MARCHF3: variants seen among roughly 807,000 people sequenced by gnomAD.
MARCHF3 encodes the protein membrane associated ring-CH-type finger 3, also known as E3 ubiquitin-protein ligase MARCHF3.
A neutral mutation model predicts 24.2 loss-of-function variants in MARCHF3; 13 were observed. The observed-to-expected ratio is 0.54, with a 90% CI of 0.35 to 0.85. MARCHF3 has a LOEUF of 0.85. MARCHF3 is among the 40% of genes least tolerant of loss of function. The probability of loss-of-function intolerance (pLI) is 0.01; values close to 1 mark genes in which losing one functional copy is unlikely to be tolerated. For missense variants in MARCHF3, 276 were observed against 325.0 expected, an observed-to-expected ratio of 0.85 and a Z score of 1.16; for synonymous variants, 144 against 137.3, an observed-to-expected ratio of 1.05 and a Z score of -0.34.
chr5:126,891,146 TC>T (rs1753674117), intron 3 of MARCHF3, among the ~76,000 whole-genome samples: 1 of 149,712 alleles, frequency 6.7e-6, no homozygotes, highest in South Asian at 2.1e-4. Flanking sequence ...TTTGTTTTTT[TC>T]TTGTAAATTT....
At chr5:126,895,914 G>A (rs1313947783) in intron 3 of MARCHF3, among the ~76,000 whole-genome samples, 5 of 152,262 alleles carry the variant, frequency 3.3e-5, no homozygotes, top group African/African-American at 9.6e-5. Context: ...CCCCAGCCTT[G>A]CTGTGGCCTT....
intron 1 of MARCHF3, among the ~76,000 whole-genome samples, chr5:126,985,478 T>C (rs1027304811): frequency 2.7e-5 from 4 of 150,860 alleles, no homozygotes; most frequent in African/African-American, 4.9e-5. Flanking sequence ...TTTATTTTTT[T>C]TTTTTTTTTG....
chr5:126,925,430 C>T (rs1580649644), intron 1 of MARCHF3, among the ~76,000 whole-genome samples: 1 of 152,078 alleles, frequency 6.6e-6, no homozygotes, highest in East Asian at 1.9e-4. Context: ...TGTATTTTCT[C>T]TTCAGCCAGG....
chr5:126,956,673 C>A lies in MARCHF3; in HGVS notation c.-56-38446G>T, dbSNP rs867740473. On this transcript the variant is annotated intron_variant, in intron 1 of 4. Transcript: ENST00000308660. ...AAAAAAAAAAAAAAAAAAAAAAAAC[C>A]AAAAAAACAACAACAAAAACAAAAA... Among the ~76,000 whole-genome samples, 82 of 128,016 alleles carry A rather than the reference C, an allele frequency of 6.4e-4. 1 individual carries two copies. Among genetic ancestry groups the A allele is most frequent in the African/African-American group, 2.0e-3 (61 of 30,678 alleles). The allele number at this position is 128,016 out of a possible 152,430, so 84.0% of individuals were successfully genotyped here.
At chr5:126,904,623 T>A (rs1165034771) in intron 3 of MARCHF3, among the ~76,000 whole-genome samples, 1 of 149,966 alleles carries the variant, frequency 6.7e-6, no homozygotes, top group Non-Finnish European at 1.5e-5. Flanking sequence ...TTTTGAGAAG[T>A]GTCTGTTCAT....
intron 1 of MARCHF3, among the ~76,000 whole-genome samples, chr5:126,980,423 T>A (rs1384433852): frequency 6.6e-6 from 1 of 150,884 alleles, no homozygotes; most frequent in Non-Finnish European, 1.5e-5. Flanking sequence ...CAGGCTGGAG[T>A]GCAGTGGCGC....
At chr5:126,878,025 C>T (rs1345434393) in intron 4 of MARCHF3, among the ~76,000 whole-genome samples, 160 bp downstream of exon 4, 1 of 152,148 alleles carries the variant, frequency 6.6e-6, no homozygotes. Flanking sequence ...CACACACACA[C>T]ACACATAGTC....
chr5:126,887,350 C>A (rs886612884), intron 3 of MARCHF3, among the ~76,000 whole-genome samples: 1 of 152,190 alleles, frequency 6.6e-6, no homozygotes, highest in East Asian at 1.9e-4. Context: ...GCAGTACCTG[C>A]GACTTTGTCA....
At position 126,870,621 on chromosome 5, in the gene MARCHF3, A is replaced by C; in HGVS notation, c.*12T>G. 6.2e-6 allele frequency: 10 copies of C among 1,613,532 alleles called. No homozygotes were observed. The highest frequency in any genetic ancestry group is 8.5e-6 in the Non-Finnish European group (10 of 1,179,614). On this transcript the variant is annotated 3_prime_UTR_variant, in exon 5 of 5. Coordinates refer to ENST00000308660, the MANE Select transcript of MARCHF3 (RefSeq NM_178450.5). ...AAACAATGAATCAAACAACCAACCA[A>C]CCATACAAACATCAAACAACTGTCT...
At chr5:126,902,075 C>A (rs1754123637) in intron 3 of MARCHF3, among the ~76,000 whole-genome samples, 1 of 152,104 alleles carries the variant, frequency 6.6e-6, no homozygotes, top group African/African-American at 2.4e-5. Context: ...GGTCCGGAAT[C>A]TTTCAAGATG....
intron 3 of MARCHF3, among the ~76,000 whole-genome samples, chr5:126,907,562 T>C (rs1213647078): frequency 6.6e-6 from 1 of 151,956 alleles, no homozygotes; most frequent in African/African-American, 2.4e-5. Flanking sequence ...TTGATCCCTT[T>C]ACCATTAAGT....
At chr5:126,897,992 G>C (rs1753982788) in intron 3 of MARCHF3, among the ~76,000 whole-genome samples, 2 of 151,996 alleles carry the variant, frequency 1.3e-5, no homozygotes. Flanking sequence ...TCCAGAACAG[G>C]CAAATCCATA....
chr5:126,958,782 T>A (rs1265243796), intron 1 of MARCHF3, among the ~76,000 whole-genome samples: 1 of 152,130 alleles, frequency 6.6e-6, no homozygotes, highest in Admixed American at 6.6e-5. Context: ...GATTTTTAAG[T>A]GTAATGTGCA....
intron 1 of MARCHF3, among the ~76,000 whole-genome samples, chr5:126,950,158 C>T (rs1018863603): frequency 2.0e-5 from 3 of 152,142 alleles, no homozygotes; most frequent in Admixed American, 6.5e-5. Flanking sequence ...CTCTTGTGTG[C>T]ACCCACAGCT....
chr5:127,021,334 G>A (rs1752798195), intron 1 of MARCHF3, among the ~76,000 whole-genome samples: 1 of 151,990 alleles, frequency 6.6e-6, no homozygotes, highest in African/African-American at 2.4e-5. Context: ...GCAAAAAGCA[G>A]GATGGCAAGA....
intron 1 of MARCHF3, among the ~76,000 whole-genome samples, chr5:126,978,889 A>G (rs1221962376): frequency 6.6e-6 from 1 of 152,192 alleles, no homozygotes. Flanking sequence ...TATTGTGTAC[A>G]TACATTTTCT....
chr5:126,881,519 T>C (rs1490609948), intron 3 of MARCHF3, among the ~76,000 whole-genome samples: 1 of 152,182 alleles, frequency 6.6e-6, no homozygotes, highest in Non-Finnish European at 1.5e-5. Flanking sequence ...CCTAGCAATA[T>C]GGAATTGTCT....
At chr5:126,989,504 T>A (rs1425930525) in intron 1 of MARCHF3, among the ~76,000 whole-genome samples, 1 of 151,934 alleles carries the variant, frequency 6.6e-6, no homozygotes, top group East Asian at 1.9e-4. Context: ...CCCCTCCCCC[T>A]CCCCAGATGC....
chr5:126,903,395 T>A (rs1188833148), intron 3 of MARCHF3, among the ~76,000 whole-genome samples: 2 of 152,054 alleles, frequency 1.3e-5, no homozygotes, highest in African/African-American at 4.8e-5. Context: ...CCAACTACCT[T>A]ACTCACTAGG....
Sources: gnomAD v4.1 joint callset for allele counts (sites outside exome capture counted in the v4.1 genomes callset) on GRCh38, gnomAD v4.1.1 for gene constraint, MANE v1.5 for transcripts, NCBI Gene and HGNC (gene_info 2026-07-23, HGNC 2026-07-21) for gene names.